MRPL47: variants seen among roughly 807,000 people sequenced by gnomAD.
The protein encoded by MRPL47 is large ribosomal subunit protein uL29m.
In MRPL47, 31 loss-of-function variants were observed where a neutral mutation model predicts 34.0. The observed-to-expected ratio is 0.91, with a 90% confidence interval of 0.68 to 1.23. The LOEUF is 1.23. Ranked by LOEUF, MRPL47 falls within the 50% of genes most tolerant of loss-of-function variation. The pLI, the probability that MRPL47 is intolerant of heterozygous loss-of-function variation, is 0.00. For synonymous variants in MRPL47, 106 were observed against 101.6 expected (o/e 1.04, Z -0.26); for missense variants, 328 against 285.8 (o/e 1.15, Z -1.07).
intron 6 of MRPL47, among the ~76,000 whole-genome samples, 154 bp downstream of exon 6, chr3:179,592,490 A>G (rs1158707350): frequency 2.0e-5 from 3 of 152,154 alleles, no homozygotes; most frequent in Non-Finnish European, 4.4e-5. Context: ...CACCGCACCC[A>G]GCCTGACTTT....
At position 179,594,023 on chromosome 3, in the gene MRPL47, G is replaced by A. The variant is rs921774687; in HGVS notation, c.403-128C>T. 15 of 830,208 alleles carry A rather than the reference G, an allele frequency of 1.8e-5. No homozygotes were observed. In the East Asian group the frequency reaches 2.1e-4, roughly 12 times the overall value. The allele number at this position is 830,208 out of a possible 1,614,324, so 51.4% of individuals were successfully genotyped here. On this transcript the variant is annotated intron_variant, in intron 4 of 6. Coordinates refer to ENST00000476781, the MANE Select transcript of MRPL47 (RefSeq NM_020409.3). ...TTATGCCAAAGAACCACTCTGTTAA[G>A]TATTTCCTAAAAATCTTTTTGGCAC...
intron 3 of MRPL47, 78 bp downstream of exon 3, chr3:179,601,652 C>G: frequency 1.2e-6 from 1 of 857,742 alleles, no homozygotes; most frequent in South Asian, 1.5e-5. Flanking sequence ...TTTCTTATAT[C>G]AGATAGATTG....
At chr3:179,602,892 T>C in intron 1 of MRPL47, 95 bp from the exon 2 acceptor site, 1 of 1,053,752 alleles carries the variant, frequency 9.5e-7, no homozygotes, top group South Asian at 1.5e-5. Context: ...CATTTTGTCA[T>C]CGATAACATT....
chr3:179,602,798 C>T lies in MRPL47; in HGVS notation c.99-1G>A. On this transcript the variant is annotated splice_acceptor_variant, in intron 1 of 6. Transcript: ENST00000476781. LOFTEE classifies it high-confidence loss of function. ...CTTAGGCAACAAACTAAGAAAAAACCTGCAATTGAACACACATAAACAAGT... is the reference window on the plus strand; with the variant it reads ...CTTAGGCAACAAACTAAGAAAAAACTTGCAATTGAACACACATAAACAAGT... 6 of 1,600,202 alleles carry T rather than the reference C, an allele frequency of 3.7e-6. No individual in the cohort carries two copies. The highest frequency in any genetic ancestry group is 5.1e-6 in the Non-Finnish European group (6 of 1,176,308).
At chr3:179,594,868 C>T (rs947477091) in intron 4 of MRPL47, among the ~76,000 whole-genome samples, 13 of 152,162 alleles carry the variant, frequency 8.5e-5, no homozygotes, top group Non-Finnish European at 1.8e-4. Context: ...TAAATACATA[C>T]TGAGAGCCAT....
In MRPL47 at chr3:179,594,872, G is replaced by C. The variant is rs1718758960; in HGVS notation, c.403-977C>G. Reference sequence around the variant, plus strand: ...TTTCATAGTCCTAAATACATACTGAGAGCCATTTTATGTGTATGTCCCTTA... The same window carrying C: ...TTTCATAGTCCTAAATACATACTGACAGCCATTTTATGTGTATGTCCCTTA... On this transcript the variant is annotated intron_variant, in intron 4 of 6. Transcript: ENST00000476781. Among the ~76,000 whole-genome samples, 3 of 152,100 alleles carry C rather than the reference G, an allele frequency of 2.0e-5. No homozygotes were observed. In the South Asian group the frequency reaches 6.2e-4, roughly 32 times the overall value.
chr3:179,592,772 A>G (rs1485479181), intron 5 of MRPL47, 33 bp from the exon 6 acceptor site: 1 of 1,369,362 alleles, frequency 7.3e-7, no homozygotes, highest in Middle Eastern at 1.8e-4. Flanking sequence ...TTTGCCTTAA[A>G]GAAAACATTT....
chr3:179,601,719 A>AGT lies in MRPL47; in HGVS notation c.305+9_305+10dup. On this transcript the variant is annotated intron_variant, in intron 3 of 6. Coordinates refer to ENST00000476781, the MANE Select transcript of MRPL47 (RefSeq NM_020409.3). Reference sequence around the variant, plus strand: ...CAAACGTCTAGATGTTAATGTACTTAGTATACTTACCAAAGTTTGTGTAAA... The same window carrying AGT: ...CAAACGTCTAGATGTTAATGTACTTAGTGTATACTTACCAAAGTTTGTGTAAA... The AGT allele has an allele frequency of 1.3e-6, 2 of 1,545,960 alleles. No homozygotes were observed. Among genetic ancestry groups the AGT allele is most frequent in the South Asian group, 2.2e-5 (2 of 89,478 alleles).
chr3:179,593,839 T>G lies in MRPL47; in HGVS notation c.459A>C (p.Leu153=). The change falls in exon 5 of 7, where the codon CTA becomes CTC. Residue 153 remains leucine, a synonymous_variant. Coordinates refer to ENST00000476781, the MANE Select transcript of MRPL47 (RefSeq NM_020409.3). ...DKVVQEREDA[L]RLLQTGQERA... ...TTTCTTGACCAGTCTGAAGAAGCCT[T>G]AGGGCATCTTCTCTTTCCTGGACAA... 6.2e-7 allele frequency: 1 copy of G among 1,613,792 alleles called. No individual in the cohort carries two copies.
Position 179,601,876 on chromosome 3 carries a change from C to A in MRPL47, c.245-86G>T, listed in dbSNP as rs1718935035. The stretch of plus-strand genomic sequence containing the variant: ...TTTAAGCTCTCTAAACCTGTCTAAA[C>A]CTGTTTCTTTATCTGTAAAATATAT... On this transcript the variant is annotated intron_variant, in intron 2 of 6. Coordinates refer to ENST00000476781, the MANE Select transcript of MRPL47 (RefSeq NM_020409.3). 4.6e-6 allele frequency: 4 copies of A among 875,538 alleles called. No homozygotes were observed. The South Asian group carries it at 6.2e-5, about 14-fold the overall frequency. The allele number at this position is 875,538 out of a possible 1,614,324, so 54.2% of individuals were successfully genotyped here.
At chr3:179,589,074 C>CAATT in intron 6 of MRPL47, 79 bp from the exon 7 acceptor site, 1 of 1,369,004 alleles carries the variant, frequency 7.3e-7, no homozygotes, top group Non-Finnish European at 1.0e-6. Flanking sequence ...ATGCATAAAT[C>CAATT]AATTACATCA....
Position 179,594,944 on chromosome 3 carries a change from A to G in MRPL47, c.403-1049T>C, listed in dbSNP as rs1315002656. On this transcript the variant is annotated intron_variant, in intron 4 of 6. Transcript: ENST00000476781. ...TACTGCATAAGCACATTTGTTTCTC[A>G]TAAGAATCCTCAAAAAAAGCACAGA... Among the ~76,000 whole-genome samples, 4 of 152,220 alleles carry G rather than the reference A, an allele frequency of 2.6e-5. No homozygotes were observed. In the South Asian group the frequency reaches 8.3e-4, roughly 31 times the overall value.
intron 6 of MRPL47, among the ~76,000 whole-genome samples, chr3:179,590,696 T>TAA (rs1157157426): frequency 3.3e-4 from 42 of 129,082 alleles, no homozygotes; most frequent in African/African-American, 1.2e-3. Flanking sequence ...CTGATGTGAT[T>TAA]AAAAAAAAAA....
rs1394402081 is a variant in MRPL47 at position 179,592,636 on chromosome 3, G to A, written c.629+8C>T. ...ATAATATGTTTTATTAAAGGTGCTT[G>A]TGCTCACCTGAGAAAATGGTCCACA... is the stretch of plus-strand genomic sequence containing the variant. On this transcript the variant is annotated splice_region_variant and intron_variant, in intron 6 of 6. Transcript: ENST00000476781. 1 of 1,553,662 alleles carries A rather than the reference G, an allele frequency of 6.4e-7. No homozygotes were observed. Among genetic ancestry groups the A allele is most frequent in the Non-Finnish European group, 8.9e-7 (1 of 1,125,280 alleles).
In MRPL47 at chr3:179,588,755, G is replaced by T. The variant is rs2108375937; in HGVS notation, c.*117C>A. 1 of 981,830 alleles carries T rather than the reference G, an allele frequency of 1.0e-6. No homozygotes were observed. Among genetic ancestry groups the T allele is most frequent in the Non-Finnish European group, 1.5e-6 (1 of 672,618 alleles). The allele number at this position is 981,830 out of a possible 1,614,324, so 60.8% of individuals were successfully genotyped here. On this transcript the variant is annotated 3_prime_UTR_variant, in exon 7 of 7. Transcript: ENST00000476781. Reference sequence around the variant, plus strand: ...TGCCATATTCACACTTAGAACAACTGATTAGTAAAGTCACTTGACTAAAAA... The same window carrying T: ...TGCCATATTCACACTTAGAACAACTTATTAGTAAAGTCACTTGACTAAAAA...
At chr3:179,591,831 C>CT (rs141373534) in intron 6 of MRPL47, among the ~76,000 whole-genome samples, 252 of 148,170 alleles carry the variant, frequency 1.7e-3, no homozygotes, top group Non-Finnish European at 2.8e-3. Context: ...GTGGCTATTT[C>CT]TTTTTTTTTT....
At chr3:179,601,513 T>A (rs1373429324) in intron 3 of MRPL47, among the ~76,000 whole-genome samples, 1 of 152,224 alleles carries the variant, frequency 6.6e-6, no homozygotes, top group Non-Finnish European at 1.5e-5. Context: ...ACAGTAAAAT[T>A]TCTGAATTCC....
chr3:179,589,990 ATATG>A (rs1449814571), intron 6 of MRPL47, among the ~76,000 whole-genome samples: 2 of 152,222 alleles, frequency 1.3e-5, no homozygotes, highest in Non-Finnish European at 2.9e-5. Context: ...AATCATTAGA[ATATG>A]TATAAAACCT....
chr3:179,594,852 T>C (rs1433005123), intron 4 of MRPL47, among the ~76,000 whole-genome samples: 1 of 152,152 alleles, frequency 6.6e-6, no homozygotes, highest in African/African-American at 2.4e-5. Flanking sequence ...AACTTTTTCA[T>C]AGTCCTAAAT....
Sources: allele counts gnomAD v4.1 joint callset (sites outside exome capture counted in the v4.1 genomes callset), GRCh38; gene constraint gnomAD v4.1.1; transcripts MANE v1.5; gene names NCBI Gene and HGNC (gene_info 2026-07-23, HGNC 2026-07-21).